PNMA8A: variants seen among roughly 807,000 people sequenced by gnomAD.
The protein encoded by PNMA8A is PNMA family member 8A.
In PNMA8A, 17 loss-of-function variants were observed where a neutral mutation model predicts 26.6. The observed-to-expected ratio is 0.64, with a 90% CI of 0.44 to 0.96. The LOEUF is 0.96. Among genes scored for constraint, PNMA8A ranks in the 40% least tolerant of loss-of-function variants. PNMA8A has a pLI of 0.00. For missense variants in PNMA8A, 532 were observed against 488.4 expected (o/e 1.09, Z -0.84); for synonymous variants, 224 against 182.0 (o/e 1.23, Z -1.86).
intron 2 of PNMA8A, 97 bp downstream of exon 2, chr19:46,469,636 C>T: frequency 7.4e-7 from 1 of 1,358,938 alleles, no homozygotes; most frequent in Non-Finnish European, 9.7e-7. Flanking sequence ...CTTGACCCAC[C>T]ACCTCCTCGG....
In PNMA8A at chr19:46,470,283, C is replaced by A. The variant is rs919614001; in HGVS notation, c.753G>T (p.Arg251Ser). ...SRRKKQKKNS[R>S]QEAVPWKKPK... Reference sequence around the variant, plus strand: ...GTTTTTTCCAGGGCACTGCTTCCTGCCTGGAGTTCTTCTTCTGCTTCTTTC... The same window carrying A: ...GTTTTTTCCAGGGCACTGCTTCCTGACTGGAGTTCTTCTTCTGCTTCTTTC... Residue 251 changes from arginine to serine, a missense_variant, in exon 2 of 3, where the codon AGG becomes AGT. By Grantham distance (110) the Arg-to-Ser change is moderately radical. Coordinates refer to ENST00000313683, the MANE Select transcript of PNMA8A (RefSeq NM_018215.4). 6.2e-7 allele frequency: 1 copy of A among 1,613,836 alleles called. No individual in the cohort carries two copies. Among genetic ancestry groups the A allele is most frequent in the South Asian group, 1.1e-5 (1 of 91,086 alleles).
At chr19:46,471,163 G>A in intron 1 of PNMA8A, 49 bp from the exon 2 acceptor site, 3 of 598,458 alleles carry the variant, frequency 5.0e-6, no homozygotes, top group Non-Finnish European at 6.0e-6. Flanking sequence ...AGATGACCAA[G>A]CTCACAGATC....
At position 46,470,861 on chromosome 19, in the gene PNMA8A, T is replaced by A. The variant is rs1405510588; in HGVS notation, c.175A>T (p.Ile59Phe). Residue 59 changes from isoleucine to phenylalanine, a missense_variant, in exon 2 of 3, where the codon ATT (isoleucine) becomes TTT (phenylalanine). Physicochemically the swap from Ile to Phe is conservative, Grantham distance 21 (BLOSUM62 0). Transcript: ENST00000313683. ...PLGPYRVLNK[I>F]FVREENVKAA... ...TTAACATTCTCTTCCCTCACAAAAA[T>A]CTTGTTGAGCACGCGGTACGGGCCC... The A allele has an allele frequency of 1.3e-6, 1 of 780,956 alleles. No homozygotes were observed. Among genetic ancestry groups the A allele is most frequent in the Admixed American group, 1.7e-5 (1 of 59,014 alleles). The allele number at this position is 780,956 out of a possible 1,614,324, so 48.4% of individuals were successfully genotyped here.
At chr19:46,469,463 C>T (rs529748982) in intron 2 of PNMA8A, among the ~76,000 whole-genome samples, 1 of 152,270 alleles carries the variant, frequency 6.6e-6, no homozygotes, top group South Asian at 2.1e-4. Context: ...TGGCAAATGA[C>T]CACAGTGACA....
chr19:46,471,304 G>A, intron 1 of PNMA8A, 33 bp downstream of exon 1: 1 of 300,646 alleles, frequency 3.3e-6, no homozygotes, highest in Non-Finnish European at 6.1e-6. Context: ...CCTCCCCCGG[G>A]CCTGACGCTC....
rs143256431 is a variant in PNMA8A at position 46,470,043 on chromosome 19, G to A, written c.993C>T (p.Gly331=). 629 of 1,594,384 alleles carry A rather than the reference G, an allele frequency of 3.9e-4. No homozygotes were observed. The highest frequency in any genetic ancestry group is 5.0e-4 in the Non-Finnish European group (586 of 1,172,624). The stretch of plus-strand genomic sequence containing the variant: ...CACCATCTTGGTCTGACTCAGAGGC[G>A]CCTCCTGGGCTCTCGGCTTCTGCCC... ...DARAEAESPG[G]ASESDQDGGH... Residue 331 remains glycine, a synonymous_variant, in exon 2 of 3, where the codon GGC becomes GGT. Transcript: ENST00000313683.
At position 46,469,951 on chromosome 19, in the gene PNMA8A, C is replaced by A; in HGVS notation, c.1085G>T (p.Arg362Met). Residue 362 changes from arginine to methionine, a missense_variant, in exon 2 of 3, where the codon AGG becomes ATG. Coordinates refer to ENST00000313683, the MANE Select transcript of PNMA8A (RefSeq NM_018215.4). ...GCCCAAGCTCACCTTCTTCTTCTTC[C>A]TCATGGGAGCGGGGTTCTTGGCAGA... ...WVSAKNPAPM[R>M]KKKKVSLGPV... 1 of 1,613,874 alleles carries A rather than the reference C, an allele frequency of 6.2e-7. No individual in the cohort carries two copies. Among genetic ancestry groups the A allele is most frequent in the Non-Finnish European group, 8.5e-7 (1 of 1,179,896 alleles).
rs1969773812 is a variant in PNMA8A at position 46,470,500 on chromosome 19, G to A, written c.536C>T (p.Ala179Val). Residue 179 changes from alanine (A) to valine (V), a missense_variant, in exon 2 of 3, where the codon GCC becomes GTC. Physicochemically the swap from Ala to Val is moderately conservative, Grantham distance 64. Coordinates refer to ENST00000313683, the MANE Select transcript of PNMA8A (RefSeq NM_018215.4). ...GGCTGCCATCTCCTCGAATTCAGCG[G>A]CCTCCTGGGCCCTGGCTTCCTCCCG... ...RSREEARAQE[A>V]AEFEEMAAWA... 1.2e-6 allele frequency: 2 copies of A among 1,613,920 alleles called. No individual in the cohort carries two copies. The highest frequency in any genetic ancestry group is 2.7e-5 in the African/African-American group (2 of 74,938).
chr19:46,470,591 C>A lies in PNMA8A; in HGVS notation c.445G>T (p.Ala149Ser). ...QHQPPENWAE[A>S]LGVLLGAVVQ... ...ACTGCTCCCAGAAGCACCCCCAGAGCTTCTGCCCAGTTCTCTGGGGGCTGA... is the reference window on the plus strand; with the variant it reads ...ACTGCTCCCAGAAGCACCCCCAGAGATTCTGCCCAGTTCTCTGGGGGCTGA... Residue 149 changes from alanine (A) to serine (S), a missense_variant, in exon 2 of 3, where the codon GCT becomes TCT. Ala to Ser is a moderately conservative substitution (Grantham distance 99). Transcript: ENST00000313683. The A allele has an allele frequency of 6.2e-7, 1 of 1,614,044 alleles. No homozygotes were observed. Among genetic ancestry groups the A allele is most frequent in the Non-Finnish European group, 8.5e-7 (1 of 1,179,944 alleles).
chr19:46,469,878 C>T lies in PNMA8A; in HGVS notation c.1158G>A (p.Pro386=), dbSNP rs144459877. The part of the protein sequence containing the change: ...LVDSEDGRKK[P]VMPKKGPGSR... ...AGCCTGGCCCTTTCTTTGGCATCAC[C>T]GGCTTCTTCCTGCCATCTTCTGAGT... Residue 386 remains proline (P), a synonymous_variant, in exon 2 of 3, where the codon CCG becomes CCA. Coordinates refer to ENST00000313683, the MANE Select transcript of PNMA8A (RefSeq NM_018215.4). 6.2e-6 allele frequency: 10 copies of T among 1,614,214 alleles called. No individual in the cohort carries two copies. The highest frequency in any genetic ancestry group is 1.6e-4 in the Middle Eastern group (1 of 6,062).
intron 2 of PNMA8A, among the ~76,000 whole-genome samples, chr19:46,469,525 C>T (rs767891969): frequency 1.3e-5 from 2 of 152,090 alleles, no homozygotes; most frequent in African/African-American, 2.4e-5. Flanking sequence ...TCTCCAGCAT[C>T]GGCCTTCAGG....
In PNMA8A at chr19:46,468,427, T is replaced by C. The variant is rs551551792; in HGVS notation, c.*134A>G. 2 of 748,472 alleles carry C rather than the reference T, an allele frequency of 2.7e-6. No individual in the cohort carries two copies. The highest frequency in any genetic ancestry group is 2.0e-5 in the Admixed American group (1 of 48,962). 46.4% of individuals were successfully genotyped at this position (748,472 alleles called of 1,614,324 possible). A position where few individuals can be genotyped will look rare whatever the true frequency, so the allele number is the denominator to read the frequency against. ...CCCACCCAAGACCTCACCTATCGTTTACCTCAGGGCCAGATCTCTATCAAC... is the reference window on the plus strand; with the variant it reads ...CCCACCCAAGACCTCACCTATCGTTCACCTCAGGGCCAGATCTCTATCAAC... On this transcript the variant is annotated 3_prime_UTR_variant, in exon 3 of 3. Transcript: ENST00000313683.
rs200401445 is a variant in PNMA8A at position 46,470,933 on chromosome 19, C to T, written c.103G>A (p.Gly35Arg). ...LLVTGIPEDC[G>R]QAEIEETLNG... is the part of the protein sequence containing the mutation. The stretch of plus-strand genomic sequence containing the variant: ...AAGGTCTCCTCAATTTCTGCCTGCC[C>T]ACAGTCCTCTGGGATGCCTGTGACC... Residue 35 changes from glycine to arginine, a missense_variant, in exon 2 of 3, where the codon GGG (glycine) becomes AGG (arginine). Coordinates refer to ENST00000313683, the MANE Select transcript of PNMA8A (RefSeq NM_018215.4). The T allele has an allele frequency of 3.1e-4, 243 of 780,900 alleles. 2 individuals carry two copies. Among genetic ancestry groups the T allele is most frequent in the Middle Eastern group, 1.3e-3 (6 of 4,464 alleles). The allele number at this position is 780,900 out of a possible 1,614,324, so 48.4% of individuals were successfully genotyped here. A position where few individuals can be genotyped will look rare whatever the true frequency, so the allele number is the denominator to read the frequency against.
In PNMA8A at chr19:46,470,067, C is replaced by T; in HGVS notation, c.969G>A (p.Arg323=). The T allele has an allele frequency of 6.3e-7, 1 of 1,591,960 alleles. No individual in the cohort carries two copies. The highest frequency in any genetic ancestry group is 8.5e-7 in the Non-Finnish European group (1 of 1,171,742). ...KGPREPPQDA[R]AEAESPGGAS... ...CGCCTCCTGGGCTCTCGGCTTCTGC[C>T]CGGGCATCCTGAGGTGGCTCTCTGG... The change falls in exon 2 of 3, where the codon CGG becomes CGA. Residue 323 remains arginine (R), a synonymous_variant. Coordinates refer to ENST00000313683, the MANE Select transcript of PNMA8A (RefSeq NM_018215.4).
In PNMA8A at chr19:46,470,164, C is replaced by T; in HGVS notation, c.872G>A (p.Ser291Asn). 6.2e-7 allele frequency: 1 copy of T among 1,614,006 alleles called. No individual in the cohort carries two copies. Among genetic ancestry groups the T allele is most frequent in the Non-Finnish European group, 8.5e-7 (1 of 1,179,976 alleles). The stretch of plus-strand genomic sequence containing the variant: ...CTCCTTATTCACACAGGGCTTTCTG[C>T]TGCCCTTGATCGGCTCTGAGATCGC... ...SMAISEPIKGSRKPCVNKEEL... is the reference protein window; with the variant it reads ...SMAISEPIKGNRKPCVNKEEL... Residue 291 changes from serine to asparagine, a missense_variant, in exon 2 of 3, where the codon AGC becomes AAC. Ser to Asn is a conservative substitution (Grantham distance 46). Coordinates refer to ENST00000313683, the MANE Select transcript of PNMA8A (RefSeq NM_018215.4).
Position 46,469,722 on chromosome 19 carries a change from A to C in PNMA8A, c.1303+11T>G. On this transcript the variant is annotated intron_variant, in intron 2 of 2. Transcript: ENST00000313683. ...TGGCACGAGCCCAGTCACTTCTGCT[A>C]TCATTCTCACCATTGGTGGCACGCC... 6.3e-7 allele frequency: 1 copy of C among 1,593,458 alleles called. No individual in the cohort carries two copies. Among genetic ancestry groups the C allele is most frequent in the Non-Finnish European group, 8.5e-7 (1 of 1,171,540 alleles).
In PNMA8A at chr19:46,471,070, G is replaced by C. The variant is rs1029137605; in HGVS notation, c.-35C>G. 1.4e-6 allele frequency: 1 copy of C among 705,888 alleles called. No individual in the cohort carries two copies. Among genetic ancestry groups the C allele is most frequent in the South Asian group, 1.6e-5 (1 of 62,738 alleles). The allele number at this position is 705,888 out of a possible 1,614,324, so 43.7% of individuals were successfully genotyped here. A position where few individuals can be genotyped will look rare whatever the true frequency, so the allele number is the denominator to read the frequency against. On this transcript the variant is annotated 5_prime_UTR_variant, in exon 2 of 3. Coordinates refer to ENST00000313683, the MANE Select transcript of PNMA8A (RefSeq NM_018215.4). ...CTGAACCTACTATGTGTAGTAAATA[G>C]TCTATCAGGTGGACGTGGGCTGCAG... is the stretch of plus-strand genomic sequence containing the variant.
rs144381160 is a variant in PNMA8A, at chr19:46,468,346, C to T, written c.*215G>A. ...AAGGTGAGTAGAGAAGGCGGTGAAA[C>T]GGCAGGCCTGGTAGAGAAAAGGGCA... On this transcript the variant is annotated 3_prime_UTR_variant, in exon 3 of 3. Transcript: ENST00000313683. 534 of 510,518 alleles carry T rather than the reference C, an allele frequency of 1.0e-3. No individual in the cohort carries two copies. The highest frequency in any genetic ancestry group is 8.0e-3 in the African/African-American group (424 of 52,758). The allele number at this position is 510,518 out of a possible 1,614,324, so 31.6% of individuals were successfully genotyped here.
chr19:46,470,788 G>A lies in PNMA8A; in HGVS notation c.248C>T (p.Pro83Leu), dbSNP rs769607992. ...ACCACCCCTTCCTGGGAATTCACGG[G>A]GGATGGTGCTCAGATTCACACCTTC... ...VGEGVNLSTI[P>L]REFPGRGGVW... Residue 83 changes from proline (P) to leucine (L), a missense_variant, in exon 2 of 3, where the codon CCC becomes CTC. Coordinates refer to ENST00000313683, the MANE Select transcript of PNMA8A (RefSeq NM_018215.4). The A allele has an allele frequency of 3.8e-5, 30 of 783,692 alleles. No individual in the cohort carries two copies. The highest frequency in any genetic ancestry group is 3.7e-4 in the Admixed American group (22 of 59,014). The allele number at this position is 783,692 out of a possible 1,614,324, so 48.5% of individuals were successfully genotyped here.
Sources: gnomAD v4.1 joint callset for allele counts (sites outside exome capture counted in the v4.1 genomes callset) on GRCh38, gnomAD v4.1.1 for gene constraint, MANE v1.5 for transcripts, NCBI Gene and HGNC (gene_info 2026-07-23, HGNC 2026-07-21) for gene names.